The following ZNF705G variants were observed in gnomAD, a reference collection of about 807,000 sequenced individuals.
ZNF705G encodes zinc finger protein 705G.
A neutral mutation model predicts 19.6 loss-of-function variants in ZNF705G; 23 were observed. The observed-to-expected ratio is 1.17, with a 90% CI of 0.84 to 1.66. The LOEUF (loss-of-function observed/expected upper bound fraction) is 1.66, where lower values mean the gene tolerates loss of function less well. Among genes scored for constraint, ZNF705G ranks in the 40% most tolerant of loss-of-function variants. The probability of loss-of-function intolerance (pLI) is 0.00; values close to 1 mark genes in which losing one functional copy is unlikely to be tolerated. For synonymous variants in ZNF705G, 146 were observed against 117.7 expected, an observed-to-expected ratio of 1.24 and a Z score of -1.56; for missense variants, 457 against 354.4, an observed-to-expected ratio of 1.29 and a Z score of -2.32.
intron 4 of ZNF705G, among the ~76,000 whole-genome samples, chr8:7,360,861 T>G (rs1256322340): frequency 6.7e-6 from 1 of 149,474 alleles, no homozygotes; most frequent in East Asian, 1.9e-4. Flanking sequence ...TATTAGAGAC[T>G]GAGTACCAAA....
intron 2 of ZNF705G, among the ~76,000 whole-genome samples, chr8:7,364,673 A>G (rs1272486181): frequency 1.3e-5 from 2 of 149,618 alleles, no homozygotes; most frequent in African/African-American, 2.6e-5. Flanking sequence ...CATTGTGTCT[A>G]TTTTTACTGC....
At chr8:7,378,768 C>T (rs1312710043) in intron 2 of ZNF705G, among the ~76,000 whole-genome samples, 7 of 145,314 alleles carry the variant, frequency 4.8e-5, no homozygotes, top group Non-Finnish European at 7.4e-5. Flanking sequence ...TTTTTTAGGA[C>T]TCATGATTAC....
chr8:7,380,123 A>T (rs1386000661), intron 2 of ZNF705G, among the ~76,000 whole-genome samples: 6 of 143,850 alleles, frequency 4.2e-5, no homozygotes, highest in Middle Eastern at 3.4e-3. Context: ...TGAAGCAGGC[A>T]CTCTTCTCAA....
At chr8:7,369,135 A>G (rs1806986158) in intron 2 of ZNF705G, among the ~76,000 whole-genome samples, 3 of 149,484 alleles carry the variant, frequency 2.0e-5, no homozygotes, top group Non-Finnish European at 4.4e-5. Context: ...CCACGAGAAC[A>G]GCATGGGAGA....
At position 7,374,742 on chromosome 8, in the gene ZNF705G, G is replaced by A. The variant is rs1400664388; in HGVS notation, c.-72+6710C>T. On this transcript the variant is annotated intron_variant, in intron 2 of 6. Transcript: ENST00000400156. ...GCTGTCCCTATCATCTGCTTCACTC[G>A]ATCACTGGGTAATCTTGGGCAAGTT... 2.3e-5 allele frequency among the ~76,000 whole-genome samples: 2 copies of A among 86,922 alleles called. 1 individual carries two copies. The highest frequency in any genetic ancestry group is 8.4e-4 in the South Asian group (2 of 2,390). 57.0% of individuals were successfully genotyped at this position (86,922 alleles called of 152,430 possible).
rs1298582412 is a variant in ZNF705G, at chr8:7,374,222, C to T, written c.-72+7230G>A. ...GGTAGCACACAACATCGGGGACTGA[C>T]ATAAGATTATTATCCTTGTGGCATT... On this transcript the variant is annotated intron_variant, in intron 2 of 6. Transcript: ENST00000400156. 4.3e-5 allele frequency among the ~76,000 whole-genome samples: 4 copies of T among 93,412 alleles called. No homozygotes were observed. In the South Asian group the frequency reaches 1.1e-3, roughly 26 times the overall value. The allele number at this position is 93,412 out of a possible 152,430, so 61.3% of individuals were successfully genotyped here. A position where few individuals can be genotyped will look rare whatever the true frequency, so the allele number is the denominator to read the frequency against.
In ZNF705G at chr8:7,357,697, G is replaced by A. The variant is rs1275216494; in HGVS notation, c.*279C>T. 1.7e-6 allele frequency: 1 copy of A among 572,974 alleles called. No homozygotes were observed. Among genetic ancestry groups the A allele is most frequent in the African/African-American group, 2.1e-5 (1 of 48,458 alleles). 35.5% of individuals were successfully genotyped at this position (572,974 alleles called of 1,614,324 possible). On this transcript the variant is annotated 3_prime_UTR_variant, in exon 7 of 7. Coordinates refer to ENST00000400156, the MANE Select transcript of ZNF705G (RefSeq NM_001164457.3). ...TATTGATGTGGACTGAAGAATAAAG[G>A]TAACTGAAGTATCTTCCATGTTGAT...
chr8:7,367,246 G>A (rs1486146050), intron 2 of ZNF705G, among the ~76,000 whole-genome samples: 1 of 149,306 alleles, frequency 6.7e-6, no homozygotes, highest in Non-Finnish European at 1.5e-5. Flanking sequence ...GGGCAGGAGA[G>A]GGCTCTTCCC....
intron 2 of ZNF705G, among the ~76,000 whole-genome samples, chr8:7,366,085 G>C (rs1249892512): frequency 5.4e-5 from 8 of 149,344 alleles, no homozygotes; most frequent in Admixed American, 1.3e-4. Context: ...GATCACCACA[G>C]AGTAAAAGAG....
At chr8:7,366,349 C>T (rs1585416712) in intron 2 of ZNF705G, among the ~76,000 whole-genome samples, 1 of 149,230 alleles carries the variant, frequency 6.7e-6, no homozygotes. Context: ...TGCCCTGAAA[C>T]AAAACATTTA....
chr8:7,375,736 T>C lies in ZNF705G; in HGVS notation c.-72+5716A>G, dbSNP rs1273832287. ...AAATAGCTGTATTTTAATCAATTAT[T>C]CCACAATCATTTACTGAATAGCTAT... On this transcript the variant is annotated intron_variant, in intron 2 of 6. Coordinates refer to ENST00000400156, the MANE Select transcript of ZNF705G (RefSeq NM_001164457.3). 3.3e-5 allele frequency among the ~76,000 whole-genome samples: 3 copies of C among 90,388 alleles called. 1 individual carries two copies. Among genetic ancestry groups the C allele is most frequent in the African/African-American group, 1.6e-4 (3 of 19,218 alleles). 59.3% of individuals were successfully genotyped at this position (90,388 alleles called of 152,430 possible).
At chr8:7,361,306 A>T (rs565806877) in intron 3 of ZNF705G, 70 bp from the exon 4 acceptor site, 44 of 1,591,612 alleles carry the variant, frequency 2.8e-5, no homozygotes, top group Admixed American at 2.2e-4. Context: ...GAAGGCTGAG[A>T]TGACATAGCT....
chr8:7,370,887 A>G (rs1208906108), intron 2 of ZNF705G, among the ~76,000 whole-genome samples: 2 of 117,630 alleles, frequency 1.7e-5, no homozygotes, highest in Admixed American at 1.8e-4. Context: ...GCAGCCATAA[A>G]AAGGAATGAG....
At chr8:7,384,339 A>G (rs2128850086) in intron 1 of ZNF705G, among the ~76,000 whole-genome samples, 1 of 145,868 alleles carries the variant, frequency 6.9e-6, no homozygotes, top group Middle Eastern at 3.4e-3. Flanking sequence ...CCCAATACCT[A>G]TCCACACAGA....
Position 7,366,178 on chromosome 8 carries a change from A to G in ZNF705G, c.-71-3161T>C, listed in dbSNP as rs931657463. Among the ~76,000 whole-genome samples, 19 of 96,182 alleles carry G rather than the reference A, an allele frequency of 2.0e-4. 1 individual carries two copies. The highest frequency in any genetic ancestry group is 7.6e-4 in the African/African-American group (19 of 25,002). 63.1% of individuals were successfully genotyped at this position (96,182 alleles called of 152,430 possible). Reference sequence around the variant, plus strand: ...TGGAAAATCCTATTATCTTGACGGGATTGCAAGTCAGATTACACTATAAAT... The same window carrying G: ...TGGAAAATCCTATTATCTTGACGGGGTTGCAAGTCAGATTACACTATAAAT... On this transcript the variant is annotated intron_variant, in intron 2 of 6. Transcript: ENST00000400156.
intron 2 of ZNF705G, among the ~76,000 whole-genome samples, chr8:7,369,311 G>A (rs1446572873): frequency 5.3e-5 from 8 of 149,568 alleles, no homozygotes; most frequent in African/African-American, 7.7e-5. Flanking sequence ...ATGTCCAATA[G>A]AAGTCTGCTG....
intron 2 of ZNF705G, among the ~76,000 whole-genome samples, chr8:7,368,572 G>A (rs1230121416): frequency 6.7e-6 from 1 of 149,784 alleles, no homozygotes; most frequent in African/African-American, 2.6e-5. Context: ...TAAGACCACT[G>A]GTATTGTCTG....
chr8:7,380,188 G>A (rs1435303116), intron 2 of ZNF705G, among the ~76,000 whole-genome samples: 2 of 142,732 alleles, frequency 1.4e-5, no homozygotes, highest in East Asian at 2.0e-4. Context: ...TGGCCCCCAG[G>A]AGCAGGGCCA....
At chr8:7,384,828 G>A (rs1228269977) in intron 1 of ZNF705G, among the ~76,000 whole-genome samples, 2 of 145,884 alleles carry the variant, frequency 1.4e-5, no homozygotes, top group Non-Finnish European at 2.9e-5. Flanking sequence ...CAGTAAGAAT[G>A]AACATTCTTG....
Sources: allele counts gnomAD v4.1 joint callset (sites outside exome capture counted in the v4.1 genomes callset), GRCh38; gene constraint gnomAD v4.1.1; transcripts MANE v1.5; gene names NCBI Gene and HGNC (gene_info 2026-07-23, HGNC 2026-07-21).